The following KSR2 variants were observed in gnomAD, a reference collection of about 807,000 sequenced individuals.
KSR2 encodes the protein kinase suppressor of ras 2.
A neutral mutation model predicts 107.8 loss-of-function variants in KSR2; 25 were observed. The observed-to-expected ratio is 0.23, with a 90% CI of 0.17 to 0.32. The LOEUF is 0.32. Among genes scored for constraint, KSR2 ranks in the 10% least tolerant of loss-of-function variants. The probability of loss-of-function intolerance (pLI) is 1.00; values close to 1 mark genes in which losing one functional copy is unlikely to be tolerated. For missense variants in KSR2, 887 were observed against 1,268.9 expected (o/e 0.70, Z 4.57); for synonymous variants, 480 against 507.0 (o/e 0.95, Z 0.71).
chr12:117,705,880 C>T (rs561321006), intron 4 of KSR2, among the ~76,000 whole-genome samples: 47 of 152,154 alleles, frequency 3.1e-4, no homozygotes, highest in African/African-American at 1.1e-3. Context: ...TTCCCAGTAT[C>T]GTCACTCACC....
intron 16 of KSR2, among the ~76,000 whole-genome samples, chr12:117,481,758 T>C (rs1214303258): frequency 6.6e-6 from 1 of 152,204 alleles, no homozygotes; most frequent in African/African-American, 2.4e-5. Context: ...GCCCAAAGCC[T>C]GGCCAGCTCC....
chr12:117,846,032 G>C (rs542068709), intron 3 of KSR2, among the ~76,000 whole-genome samples: 57 of 151,436 alleles, frequency 3.8e-4, no homozygotes, highest in Non-Finnish European at 7.5e-4. Flanking sequence ...CCACCAGCCT[G>C]CCCTTCCTAA....
At chr12:117,583,776 T>A (rs2136247044) in intron 5 of KSR2, among the ~76,000 whole-genome samples, 1 of 152,316 alleles carries the variant, frequency 6.6e-6, no homozygotes, top group Middle Eastern at 3.4e-3. Context: ...GAACTCGTCC[T>A]GCTTGTGGAA....
chr12:117,533,092 T>C (rs1875781668), intron 10 of KSR2, among the ~76,000 whole-genome samples: 1 of 152,212 alleles, frequency 6.6e-6, no homozygotes, highest in Non-Finnish European at 1.5e-5. Context: ...AGGACCATCA[T>C]TACGAGATAA....
intron 5 of KSR2, among the ~76,000 whole-genome samples, chr12:117,592,158 G>A (rs1880360693): frequency 6.7e-6 from 1 of 150,300 alleles, no homozygotes; most frequent in Admixed American, 6.6e-5. Flanking sequence ...CACTCACCCA[G>A]GCTGGAGCGC....
chr12:117,968,325 A>G lies in KSR2; in HGVS notation c.-70T>C. The G allele has an allele frequency of 1.4e-6, 2 of 1,425,918 alleles. No individual in the cohort carries two copies. The highest frequency in any genetic ancestry group is 1.8e-6 in the Non-Finnish European group (2 of 1,099,884). 88.3% of individuals were successfully genotyped at this position (1,425,918 alleles called of 1,614,324 possible). A position where few individuals can be genotyped will look rare whatever the true frequency, so the allele number is the denominator to read the frequency against. ...AAAAAAGAGGGGGGGGAGTAGAGGT[A>G]GTCTACCCTCCGCCTCTCCAACCAC... is the stretch of plus-strand genomic sequence containing the variant. On this transcript the variant is annotated 5_prime_UTR_variant, in exon 1 of 20. Transcript: ENST00000339824.
At chr12:117,855,671 C>T (rs1168296017) in intron 2 of KSR2, 93 bp from the exon 3 acceptor site, 22 of 1,315,678 alleles carry the variant, frequency 1.7e-5, no homozygotes, top group African/African-American at 5.8e-5. Context: ...GAGAACACTC[C>T]GCAGTGTAAA....
intron 7 of KSR2, among the ~76,000 whole-genome samples, chr12:117,577,851 C>G (rs1029220225): frequency 2.0e-5 from 3 of 152,196 alleles, no homozygotes; most frequent in African/African-American, 7.2e-5. Flanking sequence ...GGTGGGGACA[C>G]AGCCAGACCA....
chr12:117,729,016 C>G (rs1302688104), intron 4 of KSR2, among the ~76,000 whole-genome samples: 6 of 152,174 alleles, frequency 3.9e-5, no homozygotes, highest in African/African-American at 1.2e-4. Flanking sequence ...ATGCGAGTTT[C>G]CTTTTGCAAA....
At chr12:117,598,751 T>C (rs1375551651) in intron 5 of KSR2, among the ~76,000 whole-genome samples, 2 of 152,162 alleles carry the variant, frequency 1.3e-5, no homozygotes, top group African/African-American at 4.8e-5. Context: ...TATATCTTAT[T>C]TTGAGAACAG....
At chr12:117,699,413 A>G (rs765017730) in intron 4 of KSR2, among the ~76,000 whole-genome samples, 29 of 152,308 alleles carry the variant, frequency 1.9e-4, no homozygotes, top group Middle Eastern at 3.4e-3. Context: ...TATTTTTGTC[A>G]TTGTGCAAAC....
chr12:117,788,689 T>G (rs2136966728), intron 3 of KSR2, among the ~76,000 whole-genome samples: 1 of 152,242 alleles, frequency 6.6e-6, no homozygotes, highest in South Asian at 2.1e-4. Flanking sequence ...TGTTTTGTAT[T>G]TTTAGTTGAG....
chr12:117,630,423 G>C (rs1011736334), intron 5 of KSR2, among the ~76,000 whole-genome samples: 1 of 152,072 alleles, frequency 6.6e-6, no homozygotes, highest in African/African-American at 2.4e-5. Flanking sequence ...AAAGGAAGAG[G>C]GGTTGGAAGG....
chr12:117,740,341 A>G (rs1888130450), intron 4 of KSR2, among the ~76,000 whole-genome samples: 1 of 130,682 alleles, frequency 7.7e-6, no homozygotes, highest in Non-Finnish European at 1.7e-5. Context: ...TATATATGTT[A>G]TATATACTAT....
intron 1 of KSR2, among the ~76,000 whole-genome samples, chr12:117,886,220 ATATT>A (rs1484664259): frequency 6.7e-6 from 1 of 150,102 alleles, no homozygotes; most frequent in Non-Finnish European, 1.5e-5. Flanking sequence ...ATATATAAAT[ATATT>A]TATGTAAATG....
rs909747265 is a variant in KSR2 at position 117,761,385 on chromosome 12, C to G, written c.612G>C (p.Lys204Asn). 1.9e-6 allele frequency: 3 copies of G among 1,606,444 alleles called. No homozygotes were observed. The highest frequency in any genetic ancestry group is 8.5e-7 in the Non-Finnish European group (1 of 1,178,002). ...HLSQSPRVPSKCVQHYCHTSP... is the reference protein window; with the variant it reads ...HLSQSPRVPSNCVQHYCHTSP... ...TGGTGTGACAATAGTGCTGGACGCACTTGGACGGGACCCTGGGGCTCTGGG... is the reference window on the plus strand; with the variant it reads ...TGGTGTGACAATAGTGCTGGACGCAGTTGGACGGGACCCTGGGGCTCTGGG... The change falls in exon 4 of 20, where the codon AAG becomes AAC. Residue 204 changes from lysine (K) to asparagine (N), a missense_variant. This residue lies in a region of KSR2 where 399 missense variants were observed against 479.5 expected (regional missense o/e 0.83). Coordinates refer to ENST00000339824, the MANE Select transcript of KSR2 (RefSeq NM_173598.6).
chr12:117,616,170 A>AAC (rs1233729337), intron 5 of KSR2, among the ~76,000 whole-genome samples: 1 of 130,346 alleles, frequency 7.7e-6, no homozygotes, highest in Non-Finnish European at 1.8e-5. Context: ...CGAAAAAAAA[A>AAC]AAAAACAGAT....
chr12:117,490,846 G>A (rs996309060), intron 14 of KSR2, among the ~76,000 whole-genome samples: 1 of 152,196 alleles, frequency 6.6e-6, no homozygotes, highest in African/African-American at 2.4e-5. Context: ...TTATTGTGTA[G>A]CACATGATGT....
intron 5 of KSR2, among the ~76,000 whole-genome samples, chr12:117,639,335 A>G (rs930893878): frequency 2.0e-5 from 3 of 151,168 alleles, no homozygotes; most frequent in African/African-American, 7.3e-5. Flanking sequence ...CATTATTATT[A>G]TTATTATTAC....
Sources: allele counts gnomAD v4.1 joint callset (sites outside exome capture counted in the v4.1 genomes callset), GRCh38; gene constraint gnomAD v4.1.1; regional missense constraint gnomAD v4.1.1; transcripts MANE v1.5; gene names NCBI Gene and HGNC (gene_info 2026-07-23, HGNC 2026-07-21).